The following SEC24A variants were observed in gnomAD, a reference collection of about 807,000 sequenced individuals.
The protein encoded by SEC24A is protein transport protein Sec24A.
Under a neutral mutation model 129.4 loss-of-function variants are expected in SEC24A, and 93 were observed. The ratio of observed to expected loss-of-function variants is 0.72; its 90% CI spans 0.61 to 0.85. SEC24A has a LOEUF of 0.85. SEC24A is among the 40% of genes least tolerant of loss of function. The pLI is 0.00. For synonymous variants in SEC24A, 460 were observed against 467.3 expected, an observed-to-expected ratio of 0.98 and a Z score of 0.20; for missense variants, 1,264 against 1,307.4, an observed-to-expected ratio of 0.97 and a Z score of 0.51.
chr5:134,693,252 A>G (rs531419728), intron 12 of SEC24A: 1 of 1,460,590 alleles, frequency 6.8e-7, no homozygotes, highest in Non-Finnish European at 9.0e-7. Context: ...TTCCCCATTA[A>G]CTCTATTTGT....
Position 134,666,809 on chromosome 5 carries a change from C to T in SEC24A, c.566-14C>T. 6.2e-7 allele frequency: 1 copy of T among 1,613,268 alleles called. No homozygotes were observed. Among genetic ancestry groups the T allele is most frequent in the Middle Eastern group, 1.7e-4 (1 of 6,060 alleles). ...AGTTCTCAAGTGACGTGTGAAAAACCAATGTTTCCATAGGTCCTTCTGTAC... is the reference window on the plus strand; with the variant it reads ...AGTTCTCAAGTGACGTGTGAAAAACTAATGTTTCCATAGGTCCTTCTGTAC... On this transcript the variant is annotated splice_polypyrimidine_tract_variant and intron_variant, in intron 2 of 22. Coordinates refer to ENST00000398844, the MANE Select transcript of SEC24A (RefSeq NM_021982.3).
At chr5:134,690,242 ACTC>A (rs1464402911) in intron 11 of SEC24A, among the ~76,000 whole-genome samples, 1 of 151,300 alleles carries the variant, frequency 6.6e-6, no homozygotes, top group Non-Finnish European at 1.5e-5. Context: ...CTGGTCTTGA[ACTC>A]CTGACCTCAG....
intron 16 of SEC24A, 69 bp from the exon 17 acceptor site, chr5:134,705,258 A>G (rs1752126202): frequency 1.6e-6 from 2 of 1,236,410 alleles, no homozygotes. Flanking sequence ...GATTTTTCCA[A>G]GTGACTTTAA....
In SEC24A at chr5:134,666,862, C is replaced by T; in HGVS notation, c.605C>T (p.Thr202Ile). Residue 202 changes from threonine (T) to isoleucine (I), a missense_variant, in exon 3 of 23, where the codon ACA (threonine) becomes ATA (isoleucine). Physicochemically the swap from Thr to Ile is moderately conservative, Grantham distance 89. Coordinates refer to ENST00000398844, the MANE Select transcript of SEC24A (RefSeq NM_021982.3). ...CCCTTAGTGAATCCACCTCTGCCTA[C>T]AACTTTTCAACCAGGAGCTCCTCAT... ...VPPLVNPPLPTTFQPGAPHGP... is the reference protein window; with the variant it reads ...VPPLVNPPLPITFQPGAPHGP... The T allele has an allele frequency of 6.2e-7, 1 of 1,613,996 alleles. No individual in the cohort carries two copies. The highest frequency in any genetic ancestry group is 8.5e-7 in the Non-Finnish European group (1 of 1,179,956).
At chr5:134,651,656 G>A (rs1255984360) in intron 1 of SEC24A, among the ~76,000 whole-genome samples, 1 of 151,774 alleles carries the variant, frequency 6.6e-6, no homozygotes, top group Non-Finnish European at 1.5e-5. Context: ...GTAGAGATGA[G>A]TCTCTCTATG....
At chr5:134,698,505 TGAG>T in intron 15 of SEC24A, among the ~76,000 whole-genome samples, 1 of 150,776 alleles carries the variant, frequency 6.6e-6, no homozygotes, top group Middle Eastern at 3.4e-3. Context: ...CTTAGGAGGC[TGAG>T]GTGGGAGGAT....
chr5:134,674,682 A>G lies in SEC24A; in HGVS notation c.885A>G (p.Leu295=). 6.2e-7 allele frequency: 1 copy of G among 1,614,058 alleles called. No individual in the cohort carries two copies. The highest frequency in any genetic ancestry group is 1.7e-5 in the Admixed American group (1 of 60,006). ...SRSVGYSYPS[L]PPGYQNTTPP... The stretch of plus-strand genomic sequence containing the variant: ...GTGTTGGATATTCATATCCCTCCTT[A>G]CCACCTGGTTATCAGAACACAACAC... The change falls in exon 5 of 23, where the codon TTA becomes TTG. Residue 295 remains leucine (L), a synonymous_variant. Transcript: ENST00000398844.
chr5:134,724,358 G>T (rs1752706985), intron 22 of SEC24A, among the ~76,000 whole-genome samples: 1 of 152,186 alleles, frequency 6.6e-6, no homozygotes, highest in African/African-American at 2.4e-5. Flanking sequence ...AGAGGTCGAG[G>T]CGGGCAGATC....
chr5:134,692,774 T>C, intron 12 of SEC24A, 117 bp downstream of exon 12: 1 of 765,996 alleles, frequency 1.3e-6, no homozygotes, highest in Non-Finnish European at 2.3e-6. Context: ...ATGTGTAGCA[T>C]TTTATATTTG....
intron 1 of SEC24A, among the ~76,000 whole-genome samples, chr5:134,654,737 G>A (rs1271307142): frequency 6.6e-6 from 1 of 152,028 alleles, no homozygotes; most frequent in African/African-American, 2.4e-5. Context: ...TGGTTTTTCA[G>A]AAATGGTCTC....
At chr5:134,653,106 A>C (rs555946610) in intron 1 of SEC24A, among the ~76,000 whole-genome samples, 1 of 150,922 alleles carries the variant, frequency 6.6e-6, no homozygotes, top group African/African-American at 2.4e-5. Flanking sequence ...TGCTCGGCCT[A>C]ATTTTTGTAT....
At chr5:134,715,419 T>TA in intron 19 of SEC24A, 1 of 336,438 alleles carries the variant, frequency 3.0e-6, no homozygotes, top group Admixed American at 4.8e-5. Context: ...CAGAGCAACT[T>TA]ACTAATTTAT....
At chr5:134,707,827 T>C (rs1752210421) in intron 17 of SEC24A, among the ~76,000 whole-genome samples, 1 of 152,162 alleles carries the variant, frequency 6.6e-6, no homozygotes, top group African/African-American at 2.4e-5. Flanking sequence ...TTATGCTTTT[T>C]TTTTAAGTAT....
intron 9 of SEC24A, among the ~76,000 whole-genome samples, chr5:134,686,355 C>T (rs1751451633): frequency 6.6e-6 from 1 of 152,030 alleles, no homozygotes; most frequent in South Asian, 2.1e-4. Context: ...CTGCCTCAGC[C>T]TCCCGAGAGT....
Position 134,682,340 on chromosome 5 carries a change from T to C in SEC24A, c.1382-33T>C, listed in dbSNP as rs758712543. 7.8e-6 allele frequency: 9 copies of C among 1,149,230 alleles called. No individual in the cohort carries two copies. In the Admixed American group the frequency reaches 1.7e-4, roughly 21 times the overall value. The allele number at this position is 1,149,230 out of a possible 1,614,324, so 71.2% of individuals were successfully genotyped here. A position where few individuals can be genotyped will look rare whatever the true frequency, so the allele number is the denominator to read the frequency against. On this transcript the variant is annotated intron_variant, in intron 8 of 22. Coordinates refer to ENST00000398844, the MANE Select transcript of SEC24A (RefSeq NM_021982.3). Reference sequence around the variant, plus strand: ...CAAAATACATTAAATTCTTTTCAGTTTTTTCAATATGTGTATTGTTAACTT... The same window carrying C: ...CAAAATACATTAAATTCTTTTCAGTCTTTTCAATATGTGTATTGTTAACTT...
At chr5:134,714,971 G>C in intron 18 of SEC24A, 53 bp from the exon 19 acceptor site, 1 of 1,532,500 alleles carries the variant, frequency 6.5e-7, no homozygotes, top group Non-Finnish European at 8.9e-7. Context: ...AAAAGTTCTG[G>C]ATGTATTTTT....
chr5:134,684,148 C>T (rs1354666620), intron 9 of SEC24A, among the ~76,000 whole-genome samples: 1 of 151,432 alleles, frequency 6.6e-6, no homozygotes, highest in African/African-American at 2.4e-5. Flanking sequence ...ACTAAAAATA[C>T]AAAAATTAGC....
At chr5:134,672,504 A>AT (rs1750902448) in intron 4 of SEC24A, among the ~76,000 whole-genome samples, 1 of 151,090 alleles carries the variant, frequency 6.6e-6, no homozygotes, top group African/African-American at 2.4e-5. Flanking sequence ...TAATTTTTGT[A>AT]TTTTTTGTAG....
chr5:134,682,086 AC>A (rs1250417392), intron 8 of SEC24A, among the ~76,000 whole-genome samples: 1 of 152,022 alleles, frequency 6.6e-6, no homozygotes, highest in Non-Finnish European at 1.5e-5. Context: ...TACTAAAAAT[AC>A]AAAAAATTAG....
Sources: allele counts gnomAD v4.1 joint callset (sites outside exome capture counted in the v4.1 genomes callset), GRCh38; gene constraint gnomAD v4.1.1; transcripts MANE v1.5; gene names NCBI Gene and HGNC (gene_info 2026-07-23, HGNC 2026-07-21).